Variants in FOXP1 observed in about 807,000 individuals in gnomAD.
The protein encoded by FOXP1 is forkhead box protein P1.
A neutral mutation model predicts 98.2 loss-of-function variants in FOXP1; 15 were observed. That is an observed-to-expected ratio of 0.15 (90% CI 0.10 to 0.24). The LOEUF (loss-of-function observed/expected upper bound fraction) is 0.24, where lower values mean the gene tolerates loss of function less well. FOXP1 is among the 10% of genes least tolerant of loss of function. The pLI, the probability that FOXP1 is intolerant of heterozygous loss-of-function variation, is 1.00. For missense variants in FOXP1, 633 were observed against 848.5 expected (o/e 0.75, Z 3.15); for synonymous variants, 371 against 314.5 (o/e 1.18, Z -1.90).
At chr3:71,046,899 A>G (rs371552683) in intron 10 of FOXP1, 43 bp downstream of exon 10, 14 of 1,611,346 alleles carry the variant, frequency 8.7e-6, no homozygotes, top group African/African-American at 1.3e-5. Flanking sequence ...ACCTCCACCC[A>G]AAGTCTTCAC....
At chr3:71,309,345 A>G (rs1303914110) in intron 4 of FOXP1, among the ~76,000 whole-genome samples, 2 of 152,218 alleles carry the variant, frequency 1.3e-5, no homozygotes, top group African/African-American at 2.4e-5. Flanking sequence ...TAACATTTAA[A>G]AAATATTTTT....
chr3:71,192,542 TTTC>T (rs2063049980), intron 6 of FOXP1, among the ~76,000 whole-genome samples: 1 of 152,254 alleles, frequency 6.6e-6, no homozygotes, highest in African/African-American at 2.4e-5. Context: ...GTGAGACAGC[TTTC>T]TTCTTCTACT....
At chr3:71,579,605 AT>A (rs886661258) in intron 2 of FOXP1, among the ~76,000 whole-genome samples, 54 of 134,738 alleles carry the variant, frequency 4.0e-4, no homozygotes, top group Admixed American at 1.9e-3. Context: ...ATCACCAGAG[AT>A]TTTTTTTTTC....
At chr3:71,098,732 G>C (rs756668905) in intron 7 of FOXP1, among the ~76,000 whole-genome samples, 29 of 152,152 alleles carry the variant, frequency 1.9e-4, no homozygotes, top group Non-Finnish European at 3.4e-4. Flanking sequence ...ACAGCATCAA[G>C]ATTTCAGATT....
chr3:71,323,099 T>C (rs921275533), intron 4 of FOXP1, among the ~76,000 whole-genome samples: 2 of 151,866 alleles, frequency 1.3e-5, no homozygotes, highest in African/African-American at 4.8e-5. Context: ...GCCTCCTGAG[T>C]AGCTGGGACT....
intron 4 of FOXP1, among the ~76,000 whole-genome samples, chr3:71,328,973 C>CGAAAAAAAA (rs2076096801): frequency 2.7e-5 from 1 of 36,986 alleles, no homozygotes; most frequent in Admixed American, 5.2e-4. Context: ...CTCCATCTCG[C>CGAAAAAAAA]TAAAAAAAAA....
chr3:71,559,682 T>C (rs2046393879), intron 2 of FOXP1, among the ~76,000 whole-genome samples: 1 of 152,080 alleles, frequency 6.6e-6, no homozygotes, highest in Admixed American at 6.5e-5. Flanking sequence ...CTCATCTTTA[T>C]AAAAACTTAA....
At chr3:71,313,690 T>A (rs1265014880) in intron 4 of FOXP1, among the ~76,000 whole-genome samples, 2 of 151,614 alleles carry the variant, frequency 1.3e-5, no homozygotes, top group African/African-American at 2.4e-5. Flanking sequence ...CATGCCCGGC[T>A]AATTTTTTGT....
At chr3:71,327,684 G>A (rs531637474) in intron 4 of FOXP1, among the ~76,000 whole-genome samples, 1 of 152,088 alleles carries the variant, frequency 6.6e-6, no homozygotes, top group East Asian at 2.0e-4. Context: ...ACTGTGCCCA[G>A]CCCAATTTCT....
At chr3:71,028,011 G>T (rs990167557) in intron 11 of FOXP1, among the ~76,000 whole-genome samples, 1 of 152,066 alleles carries the variant, frequency 6.6e-6, no homozygotes, top group Non-Finnish European at 1.5e-5. Context: ...CATTTGATCT[G>T]GGCCTTAACG....
intron 12 of FOXP1, among the ~76,000 whole-genome samples, chr3:71,005,668 CTCT>C: frequency 6.6e-6 from 1 of 152,166 alleles, no homozygotes; most frequent in South Asian, 2.1e-4. Context: ...CACAATGTAC[CTCT>C]TGTTTATCAC....
intron 4 of FOXP1, among the ~76,000 whole-genome samples, chr3:71,314,531 AT>A (rs1560291801): frequency 0.013 from 1,079 of 79,942 alleles, 32 homozygotes; most frequent in Non-Finnish European, 8.9e-3. Flanking sequence ...CGTCTAAAAA[AT>A]ATATATATAT....
chr3:71,422,881 C>T (rs930204576), intron 3 of FOXP1, among the ~76,000 whole-genome samples: 1 of 152,276 alleles, frequency 6.6e-6, no homozygotes, highest in East Asian at 1.9e-4. Context: ...CACACACACA[C>T]ACACTCACAC....
At chr3:71,534,294 G>A (rs1008048576) in intron 2 of FOXP1, among the ~76,000 whole-genome samples, 1 of 152,114 alleles carries the variant, frequency 6.6e-6, no homozygotes, top group Non-Finnish European at 1.5e-5. Flanking sequence ...ACCTGGGGGG[G>A]TGGAGGTTGC....
At chr3:71,258,702 G>C (rs1383171917) in intron 5 of FOXP1, among the ~76,000 whole-genome samples, 1 of 152,196 alleles carries the variant, frequency 6.6e-6, no homozygotes, top group African/African-American at 2.4e-5. Flanking sequence ...ATGTAGGAGG[G>C]GAATGGAGAA....
chr3:70,978,065 A>G (rs1300227121), intron 14 of FOXP1, 36 bp from the exon 15 acceptor site: 9 of 1,573,736 alleles, frequency 5.7e-6, no homozygotes, highest in Non-Finnish European at 7.9e-6. Flanking sequence ...GAAGACCTTC[A>G]GAAAACCAGA....
At chr3:71,138,255 G>T (rs1375053663) in intron 6 of FOXP1, among the ~76,000 whole-genome samples, 1 of 152,166 alleles carries the variant, frequency 6.6e-6, no homozygotes, top group Admixed American at 6.6e-5. Flanking sequence ...ATTTAGGAAC[G>T]TAATGGGATC....
chr3:71,291,710 GTA>G (rs2072764286), intron 5 of FOXP1, among the ~76,000 whole-genome samples: 1 of 123,216 alleles, frequency 8.1e-6, no homozygotes, highest in African/African-American at 2.8e-5. Flanking sequence ...TGCTTATTCT[GTA>G]TTTTTTTTTT....
intron 14 of FOXP1, among the ~76,000 whole-genome samples, chr3:70,978,698 A>G (rs952118410): frequency 3.9e-5 from 6 of 152,108 alleles, no homozygotes; most frequent in Admixed American, 2.6e-4. Context: ...ATTAAACACA[A>G]TGGGCCTGAC....
Sources: allele counts gnomAD v4.1 joint callset (sites outside exome capture counted in the v4.1 genomes callset), GRCh38; gene constraint gnomAD v4.1.1; transcripts MANE v1.5; gene names NCBI Gene and HGNC (gene_info 2026-07-23, HGNC 2026-07-21).